Variants in SLC18A1 observed in about 807,000 individuals in gnomAD.
SLC18A1 encodes solute carrier family 18 member A1, also known as chromaffin granule amine transporter.
A neutral mutation model predicts 53.7 loss-of-function variants in SLC18A1; 69 were observed. The observed-to-expected ratio is 1.28, with a 90% CI of 1.06 to 1.57. The LOEUF (loss-of-function observed/expected upper bound fraction) is 1.57. Among genes scored for constraint, SLC18A1 ranks in the 40% most tolerant of loss-of-function variants. SLC18A1 has a pLI of 0.00. For synonymous variants in SLC18A1, 320 were observed against 248.1 expected, an observed-to-expected ratio of 1.29 and a Z score of -2.72; for missense variants, 932 against 668.1, an observed-to-expected ratio of 1.40 and a Z score of -4.35.
intron 10 of SLC18A1, among the ~76,000 whole-genome samples, chr8:20,157,322 G>A (rs1481673970): frequency 1.3e-5 from 2 of 152,194 alleles, no homozygotes; most frequent in East Asian, 1.9e-4. Flanking sequence ...CAGCCTGAGA[G>A]TTTGGCGATC....
At chr8:20,147,846 A>T (rs1400727887) in intron 13 of SLC18A1, 124 bp from the exon 14 acceptor site, 1 of 1,485,622 alleles carries the variant, frequency 6.7e-7, no homozygotes, top group African/African-American at 1.4e-5. Context: ...CACCTGTTCC[A>T]GGTGGGAATT....
intron 4 of SLC18A1, among the ~76,000 whole-genome samples, chr8:20,175,076 G>T (rs952859): frequency 0.77 from 116,677 of 152,140 alleles, 45,376 homozygotes; most frequent in African/African-American, 0.89. Context: ...GTTATTGTCC[G>T]TGAAGAGAGG....
rs367713018 is a variant in SLC18A1 at position 20,179,497 on chromosome 8, G to A, written c.125-13C>T. The A allele has an allele frequency of 1.3e-6, 2 of 1,597,992 alleles. No individual in the cohort carries two copies. The highest frequency in any genetic ancestry group is 1.3e-5 in the African/African-American group (1 of 74,732). ...GGCACAATTGGCACTGAAAGTCAAA[G>A]AGGACAGGTGATGGGGGCTAAGGAC... On this transcript the variant is annotated splice_polypyrimidine_tract_variant and intron_variant, in intron 2 of 15. Transcript: ENST00000276373.
At chr8:20,149,766 G>A (rs779737441) in intron 11 of SLC18A1, 39 bp from the exon 12 acceptor site, 1 of 1,602,090 alleles carries the variant, frequency 6.2e-7, no homozygotes, top group Non-Finnish European at 8.6e-7. Flanking sequence ...CACTAGGGGA[G>A]AGCTCCCCTC....
chr8:20,152,932 T>A (rs2071594447), intron 10 of SLC18A1, among the ~76,000 whole-genome samples: 1 of 152,130 alleles, frequency 6.6e-6, no homozygotes, highest in Non-Finnish European at 1.5e-5. Flanking sequence ...TGCAGGATAT[T>A]GGGTACACTT....
chr8:20,150,808 G>T (rs535462083), intron 10 of SLC18A1, 64 bp from the exon 11 acceptor site: 1 of 1,399,678 alleles, frequency 7.1e-7, no homozygotes. Flanking sequence ...GCCTTGTCTC[G>T]TACAAGACAC....
At chr8:20,171,048 CCT>C in intron 8 of SLC18A1, 53 bp downstream of exon 8, 1 of 1,562,756 alleles carries the variant, frequency 6.4e-7, no homozygotes, top group Non-Finnish European at 8.8e-7. Flanking sequence ...TGCCTGGGTT[CCT>C]GCATTCAGCC....
At chr8:20,150,967 CTTTT>C (rs1030363846) in intron 10 of SLC18A1, 1 of 532,308 alleles carries the variant, frequency 1.9e-6, no homozygotes, top group African/African-American at 1.9e-5. Context: ...CAGTACTTTT[CTTTT>C]TGTTTTCTTT....
In SLC18A1 at chr8:20,181,003, C is replaced by A. The variant is rs763596670; in HGVS notation, c.-39G>T. ...CTGGGGCAGTCTTCCCCTGCGGGCTCTTAGGGAAGGTCCTGTGACAGCTAC... is the reference window on the plus strand; with the variant it reads ...CTGGGGCAGTCTTCCCCTGCGGGCTATTAGGGAAGGTCCTGTGACAGCTAC... On this transcript the variant is annotated 5_prime_UTR_variant, in exon 2 of 16. Coordinates refer to ENST00000276373, the MANE Select transcript of SLC18A1 (RefSeq NM_003053.4). The A allele has an allele frequency of 1.9e-6, 3 of 1,547,380 alleles. No individual in the cohort carries two copies. Among genetic ancestry groups the A allele is most frequent in the Non-Finnish European group, 2.6e-6 (3 of 1,144,388 alleles).
In SLC18A1 at chr8:20,149,589, C is replaced by CCTCTCTCTCTCTCT. The variant is rs60330468; in HGVS notation, c.1146+73_1146+86dup. On this transcript the variant is annotated intron_variant, in intron 12 of 15. Transcript: ENST00000276373. ...CTGTGTCTTTCTCTCTCTCTCTCTCCCTCTCTCTCTCTCTCTCTCTCTCTC... is the reference window on the plus strand; with the variant it reads ...CTGTGTCTTTCTCTCTCTCTCTCTCCCTCTCTCTCTCTCTCTCTCTCTCTCTCTCTCTCTCTCTC... 46 of 791,940 alleles carry CCTCTCTCTCTCTCT rather than the reference C, an allele frequency of 5.8e-5. No individual in the cohort carries two copies. In the African/African-American group the frequency reaches 7.6e-4, roughly 13 times the overall value. The allele number at this position is 791,940 out of a possible 1,614,324, so 49.1% of individuals were successfully genotyped here. A position where few individuals can be genotyped will look rare whatever the true frequency, so the allele number is the denominator to read the frequency against.
At chr8:20,160,062 T>A (rs1227858167) in intron 10 of SLC18A1, among the ~76,000 whole-genome samples, 3 of 152,062 alleles carry the variant, frequency 2.0e-5, no homozygotes, top group Non-Finnish European at 4.4e-5. Flanking sequence ...TACAATTAAA[T>A]TAAAAGTCAA....
intron 8 of SLC18A1, among the ~76,000 whole-genome samples, chr8:20,167,016 T>G (rs1449410065): frequency 6.6e-6 from 1 of 151,396 alleles, no homozygotes; most frequent in African/African-American, 2.4e-5. Flanking sequence ...GCCTCCAGAG[T>G]CGTGAGAAAA....
At chr8:20,168,858 G>A (rs35878337) in intron 8 of SLC18A1, among the ~76,000 whole-genome samples, 17,784 of 152,260 alleles carry the variant, frequency 0.12, 1,254 homozygotes, top group Middle Eastern at 0.3. Context: ...AGTGCCAACT[G>A]ATGATTTGGA....
intron 15 of SLC18A1, among the ~76,000 whole-genome samples, chr8:20,146,456 C>T (rs1263494037): frequency 6.6e-6 from 1 of 152,124 alleles, no homozygotes; most frequent in Non-Finnish European, 1.5e-5. Flanking sequence ...ACCACCACTC[C>T]CTATCACACC....
Position 20,152,515 on chromosome 8 carries a change from G to A in SLC18A1, c.1016-1771C>T, listed in dbSNP as rs557363436. 3.5e-4 allele frequency among the ~76,000 whole-genome samples: 53 copies of A among 152,262 alleles called. 1 individual carries two copies. The highest frequency in any genetic ancestry group is 2.1e-3 in the Admixed American group (32 of 15,298). On this transcript the variant is annotated intron_variant, in intron 10 of 15. Coordinates refer to ENST00000276373, the MANE Select transcript of SLC18A1 (RefSeq NM_003053.4). ...TTGGGTAAAGACATAGCGGGAGTGA[G>A]GAGGGGAAGTGAGAAATCAGGGATA...
chr8:20,146,675 T>A (rs570190470), intron 15 of SLC18A1, among the ~76,000 whole-genome samples: 1 of 152,210 alleles, frequency 6.6e-6, no homozygotes, highest in East Asian at 1.9e-4. Flanking sequence ...ATACAAAAAA[T>A]TAGCCAGACA....
chr8:20,149,471 C>G (rs929003086), intron 12 of SLC18A1, among the ~76,000 whole-genome samples: 91 of 152,068 alleles, frequency 6.0e-4, no homozygotes, highest in African/African-American at 2.1e-3. Flanking sequence ...CCTCTTCCCC[C>G]GTGCTAAATT....
chr8:20,162,711 G>A (rs748016863), intron 10 of SLC18A1, among the ~76,000 whole-genome samples: 9 of 152,156 alleles, frequency 5.9e-5, no homozygotes, highest in African/African-American at 1.2e-4. Context: ...CTGAGACCTC[G>A]TCAGAATGAC....
chr8:20,166,063 T>C (rs889966749), intron 8 of SLC18A1, among the ~76,000 whole-genome samples: 6 of 152,010 alleles, frequency 3.9e-5, no homozygotes, highest in Non-Finnish European at 7.4e-5. Flanking sequence ...TGTAAATCAT[T>C]AAAATATACA....
Sources: allele counts gnomAD v4.1 joint callset (sites outside exome capture counted in the v4.1 genomes callset), GRCh38; gene constraint gnomAD v4.1.1; transcripts MANE v1.5; gene names NCBI Gene and HGNC (gene_info 2026-07-23, HGNC 2026-07-21).